TLR5: variants seen among roughly 807,000 people sequenced by gnomAD.
TLR5 encodes toll like receptor 5.
For missense variants in TLR5, 944 were observed against 999.8 expected (o/e 0.94, Z 0.75); for synonymous variants, 373 against 384.4 (o/e 0.97, Z 0.35).
At chr1:223,125,399 G>A (rs1275885449) in intron 5 of TLR5, among the ~76,000 whole-genome samples, 2 of 152,200 alleles carry the variant, frequency 1.3e-5, no homozygotes, top group African/African-American at 2.4e-5. Context: ...AATGAGTGCA[G>A]ACTCAGAACC....
chr1:223,114,764 G>A (rs916353611), intron 5 of TLR5, among the ~76,000 whole-genome samples: 3 of 152,188 alleles, frequency 2.0e-5, no homozygotes, highest in African/African-American at 7.2e-5. Flanking sequence ...TGGTGAGAAT[G>A]TTTATCACCA....
chr1:223,118,763 A>G (rs765276499), intron 5 of TLR5, among the ~76,000 whole-genome samples: 5 of 152,076 alleles, frequency 3.3e-5, no homozygotes, highest in Non-Finnish European at 5.9e-5. Flanking sequence ...CATGGCCTAA[A>G]CCAGACTTTT....
chr1:223,113,609 T>G (rs531033652), intron 5 of TLR5, among the ~76,000 whole-genome samples: 3 of 152,222 alleles, frequency 2.0e-5, no homozygotes, highest in Non-Finnish European at 4.4e-5. Flanking sequence ...TTAAAAAAAT[T>G]TTATTTATTA....
At chr1:223,113,811 A>G (rs1222844504) in intron 5 of TLR5, among the ~76,000 whole-genome samples, 1 of 152,150 alleles carries the variant, frequency 6.6e-6, no homozygotes, top group Non-Finnish European at 1.5e-5. Context: ...TCGTTTGTTT[A>G]TTCATTCATG....
chr1:223,125,905 C>T (rs1657146797), intron 5 of TLR5, among the ~76,000 whole-genome samples: 1 of 152,226 alleles, frequency 6.6e-6, no homozygotes, highest in Admixed American at 6.5e-5. Flanking sequence ...GCAACCCTGA[C>T]TGCAGCTTAG....
At chr1:223,124,125 C>G (rs956198485) in intron 5 of TLR5, among the ~76,000 whole-genome samples, 1 of 152,170 alleles carries the variant, frequency 6.6e-6, no homozygotes, top group African/African-American at 2.4e-5. Context: ...GTGTTTCACA[C>G]TTGAAAACTT....
intron 5 of TLR5, among the ~76,000 whole-genome samples, chr1:223,122,114 A>G (rs1656978498): frequency 6.6e-6 from 1 of 152,204 alleles, no homozygotes; most frequent in Non-Finnish European, 1.5e-5. Flanking sequence ...AAGGTTTGGG[A>G]CAGGCTTTCT....
At chr1:223,121,226 A>G (rs1319966384) in intron 5 of TLR5, among the ~76,000 whole-genome samples, 1 of 152,224 alleles carries the variant, frequency 6.6e-6, no homozygotes, top group African/African-American at 2.4e-5. Flanking sequence ...GACATGTACC[A>G]ACTCATTATA....
intron 5 of TLR5, chr1:223,126,962 G>C (rs936343541): frequency 6.6e-6 from 1 of 152,208 alleles, no homozygotes; most frequent in Admixed American, 6.5e-5. Context: ...CCATTAGCTG[G>C]GTTGGTTCCC....
At chr1:223,121,976 A>T (rs1312063301) in intron 5 of TLR5, among the ~76,000 whole-genome samples, 1 of 152,242 alleles carries the variant, frequency 6.6e-6, no homozygotes, top group Admixed American at 6.5e-5. Context: ...AAATGGGATA[A>T]AAGTTCAAAG....
Position 223,111,761 on chromosome 1 carries a change from G to A in TLR5, c.1271C>T (p.Thr424Ile), listed in dbSNP as rs776169434. The change falls in exon 6 of 6, where the codon ACA (threonine) becomes ATA (isoleucine). Residue 424 changes from threonine to isoleucine, a missense_variant. By Grantham distance (89) the Thr-to-Ile change is moderately conservative. Coordinates refer to ENST00000642603, the MANE Select transcript of TLR5 (RefSeq NM_003268.6). Reference sequence around the variant, plus strand: ...TTCTGATAAGTGGATGAGGTTCGCTGTAAGGTTGATCTTTGGCAAAGTCAC... The same window carrying A: ...TTCTGATAAGTGGATGAGGTTCGCTATAAGGTTGATCTTTGGCAAAGTCAC... Reference protein sequence around the residue: ...KLVTLPKINLTANLIHLSENR... With the variant: ...KLVTLPKINLIANLIHLSENR... 1.1e-5 allele frequency: 17 copies of A among 1,614,162 alleles called. No homozygotes were observed. The South Asian group carries it at 1.9e-4, about 18-fold the overall frequency.
In TLR5 at chr1:223,143,212, C is replaced by G. The variant is rs1301812834; in HGVS notation, c.-571G>C. 6.6e-6 allele frequency: 1 copy of G among 152,250 alleles called. No homozygotes were observed. The highest frequency in any genetic ancestry group is 1.5e-5 in the Non-Finnish European group (1 of 68,084). The allele number at this position is 152,250 out of a possible 1,614,324, so 9.4% of individuals were successfully genotyped here. On this transcript the variant is annotated 5_prime_UTR_variant, in exon 1 of 6. Coordinates refer to ENST00000642603, the MANE Select transcript of TLR5 (RefSeq NM_003268.6). ...GGCGCTCACCTCTGGGACGCCTCCC[C>G]GCGCCGCCTGCGCCACGGTTGGCTC...
rs917949 is a variant in TLR5, at chr1:223,110,065, G to A, written c.*390C>T. On this transcript the variant is annotated 3_prime_UTR_variant, in exon 6 of 6. Transcript: ENST00000642603. ...TGTTGTTTTGCAGAACACAGAGAAC[G>A]CAGAATCATGGACCATCCCATTTTT... The A allele has an allele frequency of 9.5e-3, 2,153 of 226,488 alleles. 41 individuals are homozygous for A. The highest frequency in any genetic ancestry group is 0.048 in the African/African-American group (2,054 of 42,960). 14.0% of individuals were successfully genotyped at this position (226,488 alleles called of 1,614,324 possible). A position where few individuals can be genotyped will look rare whatever the true frequency, so the allele number is the denominator to read the frequency against.
chr1:223,135,858 T>C (rs1004104484), intron 3 of TLR5, among the ~76,000 whole-genome samples: 3 of 152,160 alleles, frequency 2.0e-5, no homozygotes, highest in African/African-American at 7.2e-5. Flanking sequence ...TTTTCCCCCC[T>C]CAAGAAATTA....
At position 223,137,950 on chromosome 1, in the gene TLR5, A is replaced by ATTTTTTTTTTTTTTTT. The variant is rs3044335; in HGVS notation, c.-438-703_-438-688dup. Among the ~76,000 whole-genome samples, 5 of 84,566 alleles carry ATTTTTTTTTTTTTTTT rather than the reference A, an allele frequency of 5.9e-5. 1 individual carries two copies. The highest frequency in any genetic ancestry group is 1.5e-4 in the African/African-American group (3 of 20,116). 55.5% of individuals were successfully genotyped at this position (84,566 alleles called of 152,430 possible). ...AACCTCCTCAGGTCTGGCTTTTTAA[A>ATTTTTTTTTTTTTTTT]TTTTTTTTTTTTTTTTTTTTTTTTT... On this transcript the variant is annotated intron_variant, in intron 2 of 5. Transcript: ENST00000642603.
chr1:223,117,835 A>G (rs1012965904), intron 5 of TLR5, among the ~76,000 whole-genome samples: 1 of 152,228 alleles, frequency 6.6e-6, no homozygotes, highest in African/African-American at 2.4e-5. Flanking sequence ...AATGTATGTC[A>G]ATGAAAAGAG....
At chr1:223,122,586 A>G (rs1219185597) in intron 5 of TLR5, among the ~76,000 whole-genome samples, 1 of 152,226 alleles carries the variant, frequency 6.6e-6, no homozygotes, top group Non-Finnish European at 1.5e-5. Context: ...CACATCTTAT[A>G]GTATGAAGTA....
chr1:223,130,979 G>C (rs562648308), intron 5 of TLR5, among the ~76,000 whole-genome samples: 1 of 152,266 alleles, frequency 6.6e-6, no homozygotes, highest in Non-Finnish European at 1.5e-5. Context: ...ACGTCAGGAT[G>C]CCTCCAGCAT....
At chr1:223,122,785 C>T (rs1657004606) in intron 5 of TLR5, among the ~76,000 whole-genome samples, 1 of 152,158 alleles carries the variant, frequency 6.6e-6, no homozygotes, top group East Asian at 1.9e-4. Context: ...TAAAAATGCA[C>T]ATTTGCATCA....
Sources: allele counts gnomAD v4.1 joint callset (sites outside exome capture counted in the v4.1 genomes callset), GRCh38; gene constraint gnomAD v4.1.1; transcripts MANE v1.5; gene names NCBI Gene and HGNC (gene_info 2026-07-23, HGNC 2026-07-21).